Variants in ABTB2 observed in about 807,000 individuals in gnomAD.
ABTB2 encodes the protein ankyrin repeat and BTB/POZ domain-containing protein 2.
ABTB2 carries 56 observed loss-of-function variants against 104.1 expected under a neutral mutation model. The ratio of observed to expected loss-of-function variants is 0.54; its 90% CI spans 0.43 to 0.67. The LOEUF (loss-of-function observed/expected upper bound fraction) is 0.67, where lower values mean the gene tolerates loss of function less well. Among genes scored for constraint, ABTB2 ranks in the 30% least tolerant of loss-of-function variants. The probability of loss-of-function intolerance (pLI) is 0.00; values close to 1 mark genes in which losing one functional copy is unlikely to be tolerated. For synonymous variants in ABTB2, 606 were observed against 608.2 expected (o/e 1.00, Z 0.05); for missense variants, 1,279 against 1,407.7 (o/e 0.91, Z 1.46).
chr11:34,190,622 C>T (rs1043432914), intron 3 of ABTB2, among the ~76,000 whole-genome samples: 3 of 152,118 alleles, frequency 2.0e-5, no homozygotes, highest in African/African-American at 4.8e-5. Context: ...CTATAACGCT[C>T]GCTATAACTA....
chr11:34,209,826 ATGGGGTGAGGGGT>A (rs1853459056), intron 1 of ABTB2, among the ~76,000 whole-genome samples: 1 of 14,838 alleles, frequency 6.7e-5, no homozygotes, highest in Non-Finnish European at 1.3e-4. Flanking sequence ...GGGGGTGAGG[ATGGGGTGAGGGGT>A]TGGGGTGGGG....
intron 1 of ABTB2, among the ~76,000 whole-genome samples, chr11:34,257,890 C>T (rs1254801818): frequency 6.6e-6 from 1 of 152,148 alleles, no homozygotes; most frequent in African/African-American, 2.4e-5. Flanking sequence ...TGAGCCACTG[C>T]ACCTGGCCTT....
intron 1 of ABTB2, among the ~76,000 whole-genome samples, chr11:34,291,963 C>T (rs1413002313): frequency 1.3e-5 from 2 of 151,334 alleles, no homozygotes; most frequent in Non-Finnish European, 2.9e-5. Flanking sequence ...ATCATTTAAA[C>T]GAAGGCACTA....
chr11:34,231,883 G>A (rs189949243), intron 1 of ABTB2, among the ~76,000 whole-genome samples: 2 of 152,276 alleles, frequency 1.3e-5, no homozygotes, highest in Admixed American at 6.5e-5. Context: ...AAAAACTTTA[G>A]ACTGAAAGAT....
At chr11:34,210,840 C>T (rs182021136) in intron 1 of ABTB2, among the ~76,000 whole-genome samples, 63 of 152,312 alleles carry the variant, frequency 4.1e-4, no homozygotes, top group South Asian at 1.0e-3. Context: ...CTTAGGTGCG[C>T]GGGAAGCTTG....
At chr11:34,190,887 C>T (rs983597672) in intron 3 of ABTB2, among the ~76,000 whole-genome samples, 4 of 152,100 alleles carry the variant, frequency 2.6e-5, no homozygotes, top group African/African-American at 9.7e-5. Context: ...GAGGAGGAGA[C>T]ACCATTTAAT....
At chr11:34,336,386 G>A (rs1328482996) in intron 1 of ABTB2, among the ~76,000 whole-genome samples, 1 of 152,148 alleles carries the variant, frequency 6.6e-6, no homozygotes, top group Non-Finnish European at 1.5e-5. Flanking sequence ...AGCCAGGCCA[G>A]GCACAGCATT....
chr11:34,199,368 C>G (rs1018614375), intron 2 of ABTB2, among the ~76,000 whole-genome samples: 1 of 152,186 alleles, frequency 6.6e-6, no homozygotes, highest in Non-Finnish European at 1.5e-5. Context: ...GTTCAGCTGC[C>G]TGGGTGCTCC....
rs1353694124 is a variant in ABTB2, at chr11:34,337,228, TGC to T, written c.883+19471_883+19472del. Among the ~76,000 whole-genome samples the T allele has an allele frequency of 3.9e-5, 6 of 152,342 alleles. No individual in the cohort carries two copies. In the Middle Eastern group the frequency reaches 0.017, roughly 432 times the overall value. ...TATTTGTTGAGGAAGGCCCCGATTC[TGC>T]GCCTGTCTGGGGAGAAGAGTTGCAT... On this transcript the variant is annotated intron_variant, in intron 1 of 16. Transcript: ENST00000435224.
intron 3 of ABTB2, among the ~76,000 whole-genome samples, chr11:34,190,240 GCCCCTGCCCCA>G (rs1196032341): frequency 7.0e-6 from 1 of 143,820 alleles, no homozygotes; most frequent in Non-Finnish European, 1.5e-5. Context: ...ACTCCATCCA[GCCCCTGCCCCA>G]CCCCTGCCCC....
chr11:34,182,184 C>T (rs536134588), intron 3 of ABTB2, among the ~76,000 whole-genome samples: 28 of 152,336 alleles, frequency 1.8e-4, no homozygotes, highest in Middle Eastern at 3.4e-3. Context: ...ACAGCCACCA[C>T]GGCCTAATAC....
chr11:34,306,746 G>A (rs767580692), intron 1 of ABTB2, among the ~76,000 whole-genome samples: 117 of 151,834 alleles, frequency 7.7e-4, no homozygotes, highest in African/African-American at 1.4e-3. Context: ...AAGTAAAACC[G>A]AGAAAAGAAA....
chr11:34,246,601 CAAAAAAAAAAAAAA>C (rs60681759), intron 1 of ABTB2, among the ~76,000 whole-genome samples: 1 of 34,776 alleles, frequency 2.9e-5, no homozygotes, highest in Non-Finnish European at 4.7e-5. Flanking sequence ...AACTCCATCT[CAAAAAAAAAAAAAA>C]AAAAAAAAAA....
chr11:34,224,450 A>G (rs145820494), intron 1 of ABTB2, among the ~76,000 whole-genome samples: 46 of 152,300 alleles, frequency 3.0e-4, no homozygotes, highest in African/African-American at 1.0e-3. Context: ...GGATACTGCA[A>G]TGCTGATGAC....
In ABTB2 at chr11:34,171,155, G is replaced by A. The variant is rs867919252; in HGVS notation, c.1398-84C>T. On this transcript the variant is annotated intron_variant, in intron 4 of 16. Coordinates refer to ENST00000435224, the MANE Select transcript of ABTB2 (RefSeq NM_145804.3). ...TGTGACACACATGTGTGAGCTTTAC[G>A]TGTAGAGTGAGGATGAGGATGGGTG... 2.6e-5 allele frequency: 38 copies of A among 1,462,750 alleles called. 1 individual carries two copies. The Middle Eastern group carries it at 1.4e-3, about 55-fold the overall frequency. The allele number at this position is 1,462,750 out of a possible 1,614,324, so 90.6% of individuals were successfully genotyped here.
intron 14 of ABTB2, among the ~76,000 whole-genome samples, chr11:34,155,373 G>A (rs928286931): frequency 2.6e-5 from 4 of 152,330 alleles, no homozygotes; most frequent in Non-Finnish European, 2.9e-5. Flanking sequence ...CCGGAGGCCC[G>A]GAGCTCCCCT....
intron 11 of ABTB2, 79 bp from the exon 12 acceptor site, chr11:34,160,432 T>A: frequency 9.4e-7 from 1 of 1,063,180 alleles, no homozygotes; most frequent in Middle Eastern, 2.0e-4. Context: ...CAGGCTAATT[T>A]CAAAAGTCCA....
At position 34,154,770 on chromosome 11, in the gene ABTB2, CTG is replaced by C; in HGVS notation, c.2698-3_2698-2del. 2 of 1,614,088 alleles carry C rather than the reference CTG, an allele frequency of 1.2e-6. No individual in the cohort carries two copies. The highest frequency in any genetic ancestry group is 1.7e-6 in the Non-Finnish European group (2 of 1,179,970). Reference sequence around the variant, plus strand: ...CGTAGTACAGATACTGCATCATCATCTGTGGTGGGAAGAGGCCCATGTGAATG... The same window carrying C: ...CGTAGTACAGATACTGCATCATCATCTGGTGGGAAGAGGCCCATGTGAATG... On this transcript the variant is annotated splice_acceptor_variant and splice_polypyrimidine_tract_variant and intron_variant, in intron 14 of 16. Coordinates refer to ENST00000435224, the MANE Select transcript of ABTB2 (RefSeq NM_145804.3). LOFTEE classifies it high-confidence loss of function. This position sits in a 1 kb window ranked among gnomAD's most constrained non-coding sequence, Gnocchi z 4.9.
chr11:34,234,119 G>C (rs1407225035), intron 1 of ABTB2, among the ~76,000 whole-genome samples: 1 of 152,140 alleles, frequency 6.6e-6, no homozygotes, highest in Non-Finnish European at 1.5e-5. Flanking sequence ...GGCCTTCTCC[G>C]TGGCTCAGTT....
Sources: gnomAD v4.1 joint callset for allele counts (sites outside exome capture counted in the v4.1 genomes callset) on GRCh38, gnomAD v4.1.1 for gene constraint, Gnocchi (gnomAD v3.1) non-coding constraint, MANE v1.5 for transcripts, NCBI Gene and HGNC (gene_info 2026-07-23, HGNC 2026-07-21) for gene names.